The following RARB variants were observed in gnomAD, a reference collection of about 807,000 sequenced individuals.
The protein encoded by RARB is HBV-activated protein.
RARB carries 17 observed loss-of-function variants against 51.9 expected under a neutral mutation model. The observed-to-expected ratio is 0.33, with a 90% CI of 0.22 to 0.49. The LOEUF (loss-of-function observed/expected upper bound fraction) is 0.49, where lower values mean the gene tolerates loss of function less well. RARB is among the 20% of genes least tolerant of loss of function. RARB has a pLI of 0.99. For synonymous variants in RARB, 215 were observed against 195.4 expected, an observed-to-expected ratio of 1.10 and a Z score of -0.84; for missense variants, 369 against 550.8, an observed-to-expected ratio of 0.67 and a Z score of 3.30.
chr3:25,058,105 C>G (rs1321831898), intron 2 of RARB, among the ~76,000 whole-genome samples: 1 of 151,870 alleles, frequency 6.6e-6, no homozygotes, highest in Non-Finnish European at 1.5e-5. Flanking sequence ...CTAAATGGCA[C>G]TGAGTTGCCA....
At chr3:24,922,303 GA>G (rs1292145971) in intron 2 of RARB, among the ~76,000 whole-genome samples, 1 of 152,162 alleles carries the variant, frequency 6.6e-6, no homozygotes, top group Admixed American at 6.5e-5. Context: ...GCACGTTGGA[GA>G]AAAAGATGTT....
intron 1 of RARB, among the ~76,000 whole-genome samples, chr3:25,440,252 G>C (rs1224110491): frequency 6.6e-6 from 1 of 151,676 alleles, no homozygotes; most frequent in Non-Finnish European, 1.5e-5. Flanking sequence ...AGGCACTTGA[G>C]ACCAGCCTAG....
At chr3:25,477,736 C>T (rs932945973) in intron 2 of RARB, among the ~76,000 whole-genome samples, 8 of 152,202 alleles carry the variant, frequency 5.3e-5, no homozygotes, top group Non-Finnish European at 8.8e-5. Context: ...TCACCCAAGA[C>T]GTGTCCCAGT....
chr3:25,289,727 A>G (rs1486395976), intron 5 of RARB, among the ~76,000 whole-genome samples: 3 of 149,042 alleles, frequency 2.0e-5, no homozygotes, highest in African/African-American at 7.3e-5. Flanking sequence ...AAGGAGTGGG[A>G]GGAAGGCGAA....
intron 5 of RARB, among the ~76,000 whole-genome samples, chr3:25,225,690 G>A (rs1427059553): frequency 6.6e-6 from 1 of 152,010 alleles, no homozygotes; most frequent in African/African-American, 2.4e-5. Flanking sequence ...ATGACAACTG[G>A]GTGATATAAA....
intron 3 of RARB, among the ~76,000 whole-genome samples, chr3:25,524,262 A>G (rs1463287250): frequency 6.6e-6 from 1 of 152,212 alleles, no homozygotes; most frequent in Non-Finnish European, 1.5e-5. Context: ...ACAACCAAAT[A>G]ATAATGACCT....
intron 2 of RARB, among the ~76,000 whole-genome samples, chr3:25,054,288 A>G (rs1338234626): frequency 1.3e-5 from 2 of 152,194 alleles, no homozygotes; most frequent in Non-Finnish European, 2.9e-5. Context: ...CGTGAAATAA[A>G]TAGATGAATG....
chr3:25,252,400 T>C (rs996825059), intron 5 of RARB, among the ~76,000 whole-genome samples: 5 of 152,184 alleles, frequency 3.3e-5, no homozygotes, highest in African/African-American at 9.6e-5. Flanking sequence ...AGCTAGGATT[T>C]TGATAGGGGT....
intron 5 of RARB, among the ~76,000 whole-genome samples, chr3:25,285,589 G>A (rs557288600): frequency 7.9e-5 from 12 of 152,304 alleles, no homozygotes; most frequent in Middle Eastern, 3.4e-3. Context: ...CTAGGTGAGA[G>A]GGGAGGGTGC....
At chr3:25,000,326 G>A (rs968887789) in intron 2 of RARB, among the ~76,000 whole-genome samples, 2 of 152,068 alleles carry the variant, frequency 1.3e-5, no homozygotes, top group African/African-American at 2.4e-5. Context: ...TCAAGGGAGT[G>A]GGAGGAGGCA....
intron 5 of RARB, 39 bp from the exon 6 acceptor site, chr3:25,593,464 G>T: frequency 6.4e-7 from 1 of 1,553,530 alleles, no homozygotes; most frequent in Non-Finnish European, 8.9e-7. Context: ...TTCAGGACAG[G>T]ATGGCTTAGA....
At chr3:25,223,063 G>A (rs928370715) in intron 5 of RARB, among the ~76,000 whole-genome samples, 1 of 152,072 alleles carries the variant, frequency 6.6e-6, no homozygotes, top group African/African-American at 2.4e-5. Flanking sequence ...TTTACCCTGT[G>A]TGAATAAATT....
chr3:25,531,827 G>A (rs1279280302), intron 3 of RARB, among the ~76,000 whole-genome samples: 1 of 151,942 alleles, frequency 6.6e-6, no homozygotes, highest in African/African-American at 2.4e-5. Context: ...GAGGGGCAAA[G>A]AAGAGCTCGA....
intron 2 of RARB, among the ~76,000 whole-genome samples, chr3:24,999,269 T>C (rs1697108255): frequency 6.6e-6 from 1 of 152,188 alleles, no homozygotes; most frequent in African/African-American, 2.4e-5. Context: ...AGCCATGTTA[T>C]AAATCTCACC....
rs553724963 is a variant in RARB, at chr3:25,069,187, G to T, written c.-328+9011G>T. 1.7e-3 allele frequency among the ~76,000 whole-genome samples: 263 copies of T among 151,462 alleles called. 1 individual carries two copies. The highest frequency in any genetic ancestry group is 2.4e-3 in the Non-Finnish European group (165 of 67,998). On this transcript the variant is annotated intron_variant, in intron 3 of 11. Transcript: ENST00000383772. ...GAGAAAGAAGAAAGCAAGCAATTAGGCTAGAGCAGGACTGTGAGAAAGATT... is the reference window on the plus strand; with the variant it reads ...GAGAAAGAAGAAAGCAAGCAATTAGTCTAGAGCAGGACTGTGAGAAAGATT...
At chr3:25,287,497 G>A (rs1703684141) in intron 5 of RARB, among the ~76,000 whole-genome samples, 1 of 152,120 alleles carries the variant, frequency 6.6e-6, no homozygotes, top group East Asian at 1.9e-4. Context: ...GGCAGGAGGG[G>A]GAAGCATAGA....
At chr3:25,414,182 T>C (rs1165616202) in intron 5 of RARB, among the ~76,000 whole-genome samples, 4 of 152,262 alleles carry the variant, frequency 2.6e-5, no homozygotes, top group Admixed American at 6.5e-5. Context: ...TTAGCTACTA[T>C]TGTATCCATC....
intron 5 of RARB, among the ~76,000 whole-genome samples, chr3:25,353,443 G>A (rs1465757381): frequency 6.6e-6 from 1 of 152,228 alleles, no homozygotes; most frequent in Admixed American, 6.5e-5. Context: ...GCGCTTGGCA[G>A]TATCAATACA....
At chr3:25,002,379 A>T (rs1411547784) in intron 2 of RARB, among the ~76,000 whole-genome samples, 1 of 152,148 alleles carries the variant, frequency 6.6e-6, no homozygotes, top group Non-Finnish European at 1.5e-5. Flanking sequence ...TGCTTAGAGC[A>T]GTACTTGGCA....
Sources: gnomAD v4.1 joint callset for allele counts (sites outside exome capture counted in the v4.1 genomes callset) on GRCh38, gnomAD v4.1.1 for gene constraint, MANE v1.5 for transcripts, NCBI Gene and HGNC (gene_info 2026-07-23, HGNC 2026-07-21) for gene names.